Variants in DIP2B observed in about 807,000 individuals in gnomAD.
The protein encoded by DIP2B is disco-interacting protein 2 homolog B.
Under a neutral mutation model 198.0 loss-of-function variants are expected in DIP2B, and 76 were observed. The observed-to-expected ratio is 0.38, with a 90% confidence interval of 0.32 to 0.46. The LOEUF (loss-of-function observed/expected upper bound fraction) is 0.46, where lower values mean the gene tolerates loss of function less well. Among genes scored for constraint, DIP2B ranks in the 20% least tolerant of loss-of-function variants. The pLI is 0.99. For synonymous variants in DIP2B, 701 were observed against 739.1 expected (o/e 0.95, Z 0.84); for missense variants, 1,559 against 1,978.4 (o/e 0.79, Z 4.02).
chr12:50,746,527 T>C lies in DIP2B; in HGVS notation c.*1688T>C, dbSNP rs1414799690. 1 of 152,204 alleles carries C rather than the reference T, an allele frequency of 6.6e-6. No individual in the cohort carries two copies. The highest frequency in any genetic ancestry group is 1.9e-4 in the East Asian group (1 of 5,200). 9.4% of individuals were successfully genotyped at this position (152,204 alleles called of 1,614,324 possible). A position where few individuals can be genotyped will look rare whatever the true frequency, so the allele number is the denominator to read the frequency against. ...GTCTTGTGATGTGACTAAAAGCCAC[T>C]TTGTGACTCCCTTCATGTAATCCTC... On this transcript the variant is annotated 3_prime_UTR_variant, in exon 38 of 38. Transcript: ENST00000301180.
intron 5 of DIP2B, among the ~76,000 whole-genome samples, chr12:50,672,141 A>G (rs1459684115): frequency 6.6e-6 from 1 of 152,022 alleles, no homozygotes; most frequent in Non-Finnish European, 1.5e-5. Context: ...CAATCAGTGC[A>G]TTTTGGTGTC....
intron 29 of DIP2B, 84 bp from the exon 30 acceptor site, chr12:50,728,464 G>T: frequency 1.4e-6 from 2 of 1,472,356 alleles, no homozygotes; most frequent in Non-Finnish European, 9.1e-7. Flanking sequence ...TTAGGGAATT[G>T]AAACTCCTCA....
chr12:50,671,681 T>C (rs932040754), intron 5 of DIP2B, among the ~76,000 whole-genome samples: 1 of 152,224 alleles, frequency 6.6e-6, no homozygotes, highest in Non-Finnish European at 1.5e-5. Context: ...AGTCTCAGTG[T>C]GGAGTTATCC....
chr12:50,616,668 T>C (rs1937706051), intron 1 of DIP2B, among the ~76,000 whole-genome samples: 3 of 152,168 alleles, frequency 2.0e-5, no homozygotes, highest in African/African-American at 7.2e-5. Context: ...CTGGTTTAAT[T>C]GTTAAGGTCC....
chr12:50,544,235 G>A (rs1230022057), intron 1 of DIP2B, among the ~76,000 whole-genome samples: 1 of 133,790 alleles, frequency 7.5e-6, no homozygotes, highest in African/African-American at 2.7e-5. Context: ...AAAAAAAAAA[G>A]GAAATTAAAG....
At chr12:50,657,136 C>T (rs1938567905) in intron 3 of DIP2B, 1 of 147,352 alleles carries the variant, frequency 6.8e-6, no homozygotes, top group East Asian at 2.0e-4. Context: ...TAATCCTATT[C>T]ACTTTTGGAT....
chr12:50,576,628 G>A (rs1390372449), intron 1 of DIP2B, among the ~76,000 whole-genome samples: 2 of 150,976 alleles, frequency 1.3e-5, no homozygotes, highest in African/African-American at 2.4e-5. Flanking sequence ...ACAGGCGCCC[G>A]TCACCACGCC....
chr12:50,656,289 CACTAA>C (rs1938552915), intron 3 of DIP2B, among the ~76,000 whole-genome samples: 1 of 152,162 alleles, frequency 6.6e-6, no homozygotes, highest in Non-Finnish European at 1.5e-5. Flanking sequence ...ATTCATTCTT[CACTAA>C]AAGGAGCCAC....
At chr12:50,618,962 A>G (rs894977734) in intron 1 of DIP2B, among the ~76,000 whole-genome samples, 1 of 152,048 alleles carries the variant, frequency 6.6e-6, no homozygotes, top group Non-Finnish European at 1.5e-5. Context: ...ATACTATTTT[A>G]TTTGTCTTTG....
In DIP2B at chr12:50,708,435, C is replaced by T. The variant is rs755800235; in HGVS notation, c.2535-13C>T. ...TGAAGGGAGTCCTGATGTGTTTGAT[C>T]TGTCTCTCTTAGAATTGCTGTGTTT... On this transcript the variant is annotated splice_polypyrimidine_tract_variant and intron_variant, in intron 21 of 37. Transcript: ENST00000301180. The T allele has an allele frequency of 5.1e-6, 8 of 1,575,842 alleles. No homozygotes were observed. Among genetic ancestry groups the T allele is most frequent in the Non-Finnish European group, 6.9e-6 (8 of 1,158,304 alleles).
intron 31 of DIP2B, 37 bp from the exon 32 acceptor site, chr12:50,732,329 C>A: frequency 6.2e-7 from 1 of 1,610,688 alleles, no homozygotes; most frequent in Non-Finnish European, 8.5e-7. Context: ...CTTTTATGAT[C>A]CTACTGACTT....
chr12:50,572,864 C>T (rs1367408040), intron 1 of DIP2B, among the ~76,000 whole-genome samples: 1 of 152,124 alleles, frequency 6.6e-6, no homozygotes, highest in African/African-American at 2.4e-5. Context: ...TGATCCAGCC[C>T]CTCTCAAGCT....
At chr12:50,524,149 T>C (rs575423332) in intron 1 of DIP2B, among the ~76,000 whole-genome samples, 110 of 152,334 alleles carry the variant, frequency 7.2e-4, no homozygotes, top group Non-Finnish European at 7.9e-4. Flanking sequence ...TGAGCCTTTT[T>C]GGTACTACCT....
intron 23 of DIP2B, among the ~76,000 whole-genome samples, chr12:50,717,896 CTTTTTTTTTTTT>C (rs60627093): frequency 9.2e-5 from 8 of 87,056 alleles, no homozygotes; most frequent in Admixed American, 1.6e-4. Context: ...CCATTATTCA[CTTTTTTTTTTTT>C]TTTTTTTTTT....
intron 22 of DIP2B, among the ~76,000 whole-genome samples, chr12:50,710,977 C>A (rs1355649214): frequency 2.0e-5 from 3 of 152,164 alleles, no homozygotes; most frequent in African/African-American, 7.2e-5. Flanking sequence ...TCAGAATGAA[C>A]TTTGGGGCAT....
chr12:50,588,615 G>C (rs1958790993), intron 1 of DIP2B, among the ~76,000 whole-genome samples: 1 of 152,100 alleles, frequency 6.6e-6, no homozygotes, highest in Non-Finnish European at 1.5e-5. Flanking sequence ...TCTCCCCTTG[G>C]TTTGGGTTGC....
At chr12:50,732,225 G>T in intron 31 of DIP2B, 141 bp from the exon 32 acceptor site, 1 of 865,684 alleles carries the variant, frequency 1.2e-6, no homozygotes, top group Non-Finnish European at 1.7e-6. Context: ...TTTTCTGAAA[G>T]CTGCTTTTTT....
chr12:50,625,844 A>G (rs886269149), intron 1 of DIP2B, 132 bp from the exon 2 acceptor site: 30 of 862,750 alleles, frequency 3.5e-5, no homozygotes, highest in Non-Finnish European at 4.8e-5. Context: ...GCAAAGAACC[A>G]TACATTCCCC....
At chr12:50,709,517 A>G (rs1343571190) in intron 22 of DIP2B, among the ~76,000 whole-genome samples, 6 of 152,048 alleles carry the variant, frequency 3.9e-5, no homozygotes, top group African/African-American at 1.4e-4. Flanking sequence ...AGGCATCTGT[A>G]GTCCCAGCTA....
Sources: gnomAD v4.1 joint callset for allele counts (sites outside exome capture counted in the v4.1 genomes callset) on GRCh38, gnomAD v4.1.1 for gene constraint, MANE v1.5 for transcripts, NCBI Gene and HGNC (gene_info 2026-07-23, HGNC 2026-07-21) for gene names.